The following USP7 variants were observed in gnomAD, a reference collection of about 807,000 sequenced individuals.
The protein encoded by USP7 is ubiquitin C-terminal hydrolase 7.
In USP7, 9 loss-of-function variants were observed where a neutral mutation model predicts 162.9. The observed-to-expected ratio is 0.06, with a 90% CI of 0.03 to 0.10. The LOEUF is 0.10. USP7 is among the 10% of genes least tolerant of loss of function. The pLI is 1.00. For missense variants in USP7, 715 were observed against 1,373.7 expected, an observed-to-expected ratio of 0.52 and a Z score of 7.58; for synonymous variants, 562 against 475.9, an observed-to-expected ratio of 1.18 and a Z score of -2.35.
At chr16:8,895,196 T>A in intron 27 of USP7, 46 bp from the exon 28 acceptor site, 1 of 1,613,182 alleles carries the variant, frequency 6.2e-7, no homozygotes, top group Non-Finnish European at 8.5e-7. Context: ...GCAAGTGATG[T>A]GGTCAAAGTG....
rs138700330 is a variant in USP7 at position 8,909,651 on chromosome 16, G to A, written c.1161+1094C>T. Among the ~76,000 whole-genome samples the A allele has an allele frequency of 2.9e-3, 437 of 152,326 alleles. 1 individual carries two copies. The highest frequency in any genetic ancestry group is 9.9e-3 in the African/African-American group (413 of 41,562). ...CTCATTAAAAAGCAACTTTCTGGAT[G>A]AGCAAGTGGCTCATGCCTGTAATCC... On this transcript the variant is annotated intron_variant, in intron 11 of 30. Transcript: ENST00000344836.
chr16:8,940,995 GACCCTTCTTCTC>G (rs1899019760), intron 1 of USP7, among the ~76,000 whole-genome samples: 1 of 152,146 alleles, frequency 6.6e-6, no homozygotes, highest in South Asian at 2.1e-4. Flanking sequence ...CCCACTCCAG[GACCCTTCTTCTC>G]GTCCAGCACT....
chr16:8,955,156 AAATGT>A (rs1180890127), intron 1 of USP7, among the ~76,000 whole-genome samples: 1 of 152,206 alleles, frequency 6.6e-6, no homozygotes, highest in Admixed American at 6.5e-5. Context: ...ATAACCGCTG[AAATGT>A]AATTTTACAT....
intron 20 of USP7, 62 bp from the exon 21 acceptor site, chr16:8,900,692 T>C (rs2061760339): frequency 2.5e-6 from 3 of 1,212,284 alleles, no homozygotes; most frequent in East Asian, 2.4e-5. Context: ...TATGGCCAGA[T>C]AGTCTTCCAT....
At chr16:8,948,491 TAACTC>T (rs1236327743) in intron 1 of USP7, among the ~76,000 whole-genome samples, 4 of 152,304 alleles carry the variant, frequency 2.6e-5, no homozygotes, top group African/African-American at 4.8e-5. Flanking sequence ...GGCCCCCAGT[TAACTC>T]AACTTAGTAA....
At chr16:8,910,889 G>A in intron 10 of USP7, 62 bp from the exon 11 acceptor site, 1 of 1,346,994 alleles carries the variant, frequency 7.4e-7, no homozygotes, top group Non-Finnish European at 1.1e-6. Context: ...AGCCAACACA[G>A]GTGTAAGTTA....
intron 1 of USP7, among the ~76,000 whole-genome samples, chr16:8,961,889 TG>T (rs1236303137): frequency 1.3e-5 from 2 of 152,222 alleles, no homozygotes; most frequent in Non-Finnish European, 2.9e-5. Context: ...ACCCAGTCCT[TG>T]GCGTGGACTC....
chr16:8,903,313 C>T lies in USP7; in HGVS notation c.1794G>A (p.Lys598=). 1.2e-6 allele frequency: 2 copies of T among 1,614,092 alleles called. No individual in the cohort carries two copies. Residue 598 remains lysine (K), a synonymous_variant, in exon 16 of 31, where the codon AAG becomes AAA. Coordinates refer to ENST00000344836, the MANE Select transcript of USP7 (RefSeq NM_003470.3). The part of the protein sequence containing the change: ...KVKYTVFKVL[K]NSSLAEFVQS... ...GAACAAACTCAGCAAGCGAGGAGTT[C>T]TTCAATACTTTGAACACAGTGTATT...
chr16:8,900,518 C>A lies in USP7; in HGVS notation c.2309+12G>T. The A allele has an allele frequency of 6.4e-7, 1 of 1,571,360 alleles. No individual in the cohort carries two copies. The highest frequency in any genetic ancestry group is 8.6e-7 in the Non-Finnish European group (1 of 1,157,728). ...TAGTACAAAGTGATACAATCCTTCA[C>A]AAAGTACATACTTCTGAAATACTAT... On this transcript the variant is annotated intron_variant, in intron 21 of 30. Coordinates refer to ENST00000344836, the MANE Select transcript of USP7 (RefSeq NM_003470.3).
Position 8,892,971 on chromosome 16 carries a change from A to G in USP7, c.*1027T>C, listed in dbSNP as rs1437869277. 5 of 152,228 alleles carry G rather than the reference A, an allele frequency of 3.3e-5. No individual in the cohort carries two copies. Among genetic ancestry groups the G allele is most frequent in the Non-Finnish European group, 5.9e-5 (4 of 68,044 alleles). 9.4% of individuals were successfully genotyped at this position (152,228 alleles called of 1,614,324 possible). A position where few individuals can be genotyped will look rare whatever the true frequency, so the allele number is the denominator to read the frequency against. Reference sequence around the variant, plus strand: ...GCAGCTGGCATTAGCTCCAAAATAAAAGGAAACGGGGCTGGGACCGAAATA... The same window carrying G: ...GCAGCTGGCATTAGCTCCAAAATAAGAGGAAACGGGGCTGGGACCGAAATA... On this transcript the variant is annotated 3_prime_UTR_variant, in exon 31 of 31. Transcript: ENST00000344836.
intron 22 of USP7, 48 bp downstream of exon 22, chr16:8,899,556 G>A (rs2061742195): frequency 6.3e-7 from 1 of 1,594,854 alleles, no homozygotes; most frequent in Non-Finnish European, 8.6e-7. Context: ...AAAGAAATTT[G>A]TCTTTCTGGA....
intron 1 of USP7, among the ~76,000 whole-genome samples, chr16:8,937,059 C>G (rs1657086): frequency 0.71 from 107,230 of 152,038 alleles, 40,286 homozygotes; most frequent in East Asian, 0.87. Context: ...AGGCAAAGTA[C>G]AATGCCCTCT....
At chr16:8,936,619 C>T (rs747062078) in intron 1 of USP7, 2 of 1,558,798 alleles carry the variant, frequency 1.3e-6, no homozygotes, top group Admixed American at 1.8e-5. Context: ...GCCATCTCTG[C>T]ATGGCTCTGC....
intron 2 of USP7, among the ~76,000 whole-genome samples, chr16:8,924,783 C>G (rs569308458): frequency 1.3e-5 from 2 of 152,316 alleles, no homozygotes; most frequent in South Asian, 2.1e-4. Flanking sequence ...ATTGAAATAT[C>G]AAAAGCATGT....
At chr16:8,915,618 A>ATCAATATCAAT (rs2062016179) in intron 8 of USP7, 93 bp from the exon 9 acceptor site, 6 of 1,114,816 alleles carry the variant, frequency 5.4e-6, no homozygotes, top group Non-Finnish European at 7.8e-6. Context: ...CAATGTTCAA[A>ATCAATATCAAT]GAAGTTGTAG....
At chr16:8,937,946 G>A (rs892783292) in intron 1 of USP7, among the ~76,000 whole-genome samples, 2 of 152,188 alleles carry the variant, frequency 1.3e-5, no homozygotes, top group Admixed American at 6.5e-5. Context: ...ACTACCATCT[G>A]CTTAAGTATT....
chr16:8,900,310 C>T (rs1451514130), intron 21 of USP7, among the ~76,000 whole-genome samples: 1 of 152,188 alleles, frequency 6.6e-6, no homozygotes, highest in Non-Finnish European at 1.5e-5. Context: ...GCACTTGAGA[C>T]ATTTTAAGGA....
In USP7 at chr16:8,907,588, G is replaced by A. The variant is rs79882961; in HGVS notation, c.1271+753C>T. Among the ~76,000 whole-genome samples the A allele has an allele frequency of 3.4e-3, 513 of 152,312 alleles. 1 individual carries two copies. The highest frequency in any genetic ancestry group is 0.012 in the African/African-American group (490 of 41,568). ...AAACTACTTGTGGCCGGGTGTGGTG[G>A]TTCACGCCAGTAATCCCAGCACTTT... On this transcript the variant is annotated intron_variant, in intron 12 of 30. Coordinates refer to ENST00000344836, the MANE Select transcript of USP7 (RefSeq NM_003470.3).
chr16:8,933,470 T>A (rs1177307773), intron 1 of USP7, among the ~76,000 whole-genome samples: 3 of 152,194 alleles, frequency 2.0e-5, no homozygotes, highest in African/African-American at 7.2e-5. Context: ...GAAATAGAAA[T>A]ATATAATTTC....
Sources: gnomAD v4.1 joint callset for allele counts (sites outside exome capture counted in the v4.1 genomes callset) on GRCh38, gnomAD v4.1.1 for gene constraint, MANE v1.5 for transcripts, NCBI Gene and HGNC (gene_info 2026-07-23, HGNC 2026-07-21) for gene names.